Variants in CEP128 observed in about 807,000 individuals in gnomAD.
CEP128 encodes the protein centrosomal protein 128, also known as centrosomal protein 128kDa.
Under a neutral mutation model 156.7 loss-of-function variants are expected in CEP128, and 132 were observed. That is an observed-to-expected ratio of 0.84 (90% CI 0.73 to 0.97). The LOEUF (loss-of-function observed/expected upper bound fraction) is 0.97. Among genes scored for constraint, CEP128 ranks in the 50% least tolerant of loss-of-function variants. The pLI, the probability that CEP128 is intolerant of heterozygous loss-of-function variation, is 0.00. For missense variants in CEP128, 1,252 were observed against 1,281.9 expected, an observed-to-expected ratio of 0.98 and a Z score of 0.36; for synonymous variants, 469 against 448.9, an observed-to-expected ratio of 1.04 and a Z score of -0.57.
At chr14:80,515,612 AAC>A (rs1888450666) in intron 23 of CEP128, among the ~76,000 whole-genome samples, 3 of 152,212 alleles carry the variant, frequency 2.0e-5, no homozygotes, top group African/African-American at 7.2e-5. Flanking sequence ...CCTTCAGGGC[AAC>A]AGGCTCCTAC....
In CEP128 at chr14:80,941,653, C is replaced by T. The variant is rs1215667331; in HGVS notation, c.-244G>A. The T allele has an allele frequency of 6.5e-6, 1 of 152,800 alleles. No individual in the cohort carries two copies. Among genetic ancestry groups the T allele is most frequent in the Non-Finnish European group, 1.5e-5 (1 of 68,212 alleles). 9.5% of individuals were successfully genotyped at this position (152,800 alleles called of 1,614,324 possible). A position where few individuals can be genotyped will look rare whatever the true frequency, so the allele number is the denominator to read the frequency against. On this transcript the variant is annotated 5_prime_UTR_variant, in exon 1 of 25. Transcript: ENST00000555265. Reference sequence around the variant, plus strand: ...GGCCCCACCCGGCTCCCGCGGCTACCAGTGACCCAGAAGGTGCAACTGACC... The same window carrying T: ...GGCCCCACCCGGCTCCCGCGGCTACTAGTGACCCAGAAGGTGCAACTGACC...
chr14:80,517,247 T>A (rs1888531534), intron 23 of CEP128, among the ~76,000 whole-genome samples: 1 of 152,126 alleles, frequency 6.6e-6, no homozygotes, highest in African/African-American at 2.4e-5. Flanking sequence ...ATTTACTATA[T>A]CCTTGCTTTG....
At chr14:80,534,564 G>A (rs1012804862) in intron 21 of CEP128, among the ~76,000 whole-genome samples, 3 of 152,244 alleles carry the variant, frequency 2.0e-5, no homozygotes, top group East Asian at 1.9e-4. Context: ...GGTGGCTCAC[G>A]CCTGTAATCC....
chr14:80,863,520 C>T (rs971562608), intron 8 of CEP128, among the ~76,000 whole-genome samples: 6 of 152,208 alleles, frequency 3.9e-5, no homozygotes, highest in African/African-American at 1.4e-4. Flanking sequence ...GAATTTTTCT[C>T]TCTGACACAA....
chr14:80,779,115 T>C (rs564568562), intron 15 of CEP128, among the ~76,000 whole-genome samples: 1 of 152,180 alleles, frequency 6.6e-6, no homozygotes, highest in Admixed American at 6.5e-5. Context: ...CAACTAGAAA[T>C]GCTAACAAAA....
chr14:80,729,120 T>TGTGTGTGTGTGTGTGTGTGTGC, intron 19 of CEP128, among the ~76,000 whole-genome samples: 3 of 97,640 alleles, frequency 3.1e-5, no homozygotes, highest in African/African-American at 8.8e-5. Flanking sequence ...TGTGTGTGTG[T>TGTGTGTGTGTGTGTGTGTGTGC]GTGTGTGTTT....
chr14:80,759,464 A>T (rs182215741), intron 17 of CEP128, among the ~76,000 whole-genome samples: 1 of 152,082 alleles, frequency 6.6e-6, no homozygotes, highest in Admixed American at 6.5e-5. Flanking sequence ...AACAAACATA[A>T]ATTTTATCTT....
At chr14:80,736,317 T>G (rs960342928) in intron 19 of CEP128, among the ~76,000 whole-genome samples, 1 of 151,586 alleles carries the variant, frequency 6.6e-6, no homozygotes, top group Non-Finnish European at 1.5e-5. Flanking sequence ...CTTAGTAACC[T>G]AAAAGCTCAA....
intron 16 of CEP128, among the ~76,000 whole-genome samples, chr14:80,769,067 C>T (rs1483021985): frequency 6.6e-6 from 1 of 152,110 alleles, no homozygotes; most frequent in Non-Finnish European, 1.5e-5. Context: ...AATTTTGATG[C>T]ATTTCTATTT....
intron 14 of CEP128, among the ~76,000 whole-genome samples, chr14:80,789,743 A>T (rs1035465716): frequency 6.6e-6 from 1 of 152,222 alleles, no homozygotes; most frequent in East Asian, 1.9e-4. Flanking sequence ...ACTATTTAAA[A>T]CCATGGCAAT....
chr14:80,867,749 G>T (rs914285013), intron 8 of CEP128, among the ~76,000 whole-genome samples: 1 of 152,102 alleles, frequency 6.6e-6, no homozygotes. Context: ...ACTCATAATG[G>T]AAGTCCCAGA....
At chr14:80,814,438 G>A (rs1473790995) in intron 13 of CEP128, among the ~76,000 whole-genome samples, 2 of 151,532 alleles carry the variant, frequency 1.3e-5, no homozygotes, top group South Asian at 4.2e-4. Flanking sequence ...ATAGTTTAAA[G>A]AGCTCACCAG....
intron 19 of CEP128, among the ~76,000 whole-genome samples, chr14:80,676,699 T>G (rs980989681): frequency 2.6e-4 from 39 of 152,194 alleles, no homozygotes; most frequent in African/African-American, 8.7e-4. Flanking sequence ...ATATCACATT[T>G]AAAAATTCCC....
chr14:80,493,487 AG>A (rs982781604), downstream of CEP128, among the ~76,000 whole-genome samples: 1 of 152,230 alleles, frequency 6.6e-6, no homozygotes, highest in African/African-American at 2.4e-5. Flanking sequence ...ATTCCTGTAG[AG>A]AGCAAGGTCA....
At chr14:80,895,651 T>C in intron 8 of CEP128, 67 bp downstream of exon 8, 1 of 1,133,544 alleles carries the variant, frequency 8.8e-7, no homozygotes, top group South Asian at 1.6e-5. Context: ...AACTTCACTG[T>C]GATTATGACC....
chr14:80,499,884 C>G (rs569291131), intron 24 of CEP128, among the ~76,000 whole-genome samples: 1 of 152,290 alleles, frequency 6.6e-6, no homozygotes, highest in African/African-American at 2.4e-5. Context: ...TACTAAGCCC[C>G]CACTGTCTAC....
Position 80,820,704 on chromosome 14 carries a change from T to C in CEP128, c.1209+10439A>G, listed in dbSNP as rs549355505. ...GATAGCTCTCTGAAACCTTCAAATA[T>C]ATTTTTAAAAACATGTCCTAGCCAG... On this transcript the variant is annotated intron_variant, in intron 13 of 24. Transcript: ENST00000555265. 1.6e-4 allele frequency among the ~76,000 whole-genome samples: 25 copies of C among 152,368 alleles called. 1 individual carries two copies. The South Asian group carries it at 4.3e-3, about 26-fold the overall frequency.
chr14:80,709,506 C>G (rs540760355), intron 19 of CEP128, among the ~76,000 whole-genome samples: 1 of 152,216 alleles, frequency 6.6e-6, no homozygotes, highest in South Asian at 2.1e-4. Context: ...CAGCATTTTG[C>G]TGGATATTCT....
chr14:80,579,880 T>C (rs1185035435), intron 20 of CEP128, among the ~76,000 whole-genome samples: 1 of 152,198 alleles, frequency 6.6e-6, no homozygotes, highest in African/African-American at 2.4e-5. Context: ...GAGTGGAATC[T>C]TTCTAACACC....
Sources: allele counts gnomAD v4.1 joint callset (sites outside exome capture counted in the v4.1 genomes callset), GRCh38; gene constraint gnomAD v4.1.1; transcripts MANE v1.5; gene names NCBI Gene and HGNC (gene_info 2026-07-23, HGNC 2026-07-21).